Variants in CAST observed in about 807,000 individuals in gnomAD.
CAST encodes the protein MIR583 host.
A neutral mutation model predicts 119.6 loss-of-function variants in CAST; 76 were observed. The observed-to-expected ratio is 0.64, with a 90% CI of 0.53 to 0.77. CAST has a LOEUF of 0.77. CAST is among the 30% of genes least tolerant of loss of function. CAST has a pLI of 0.00. For synonymous variants in CAST, 319 were observed against 331.6 expected (o/e 0.96, Z 0.41); for missense variants, 953 against 946.5 (o/e 1.01, Z -0.09).
the CAST span, among the ~76,000 whole-genome samples, chr5:96,439,656 A>G: frequency 6.6e-6 from 1 of 152,176 alleles, no homozygotes; most frequent in Non-Finnish European, 1.5e-5. Flanking sequence ...TTAAAGGTGG[A>G]GGCTTCACAC....
At chr5:96,469,210 T>C in the CAST span, among the ~76,000 whole-genome samples, 1 of 152,090 alleles carries the variant, frequency 6.6e-6, no homozygotes, top group Non-Finnish European at 1.5e-5. Flanking sequence ...TTTAAATAGA[T>C]GGTAAAGTAC....
intron 3 of CAST, among the ~76,000 whole-genome samples, chr5:96,703,438 C>A (rs964566183): frequency 2.0e-5 from 3 of 152,282 alleles, no homozygotes; most frequent in East Asian, 1.9e-4. Flanking sequence ...AGTGTTGTAA[C>A]CTGTTTCGGT....
chr5:96,638,407 A>G (rs1416234953), intron 1 of CAST, among the ~76,000 whole-genome samples: 1 of 152,168 alleles, frequency 6.6e-6, no homozygotes, highest in Non-Finnish European at 1.5e-5. Flanking sequence ...CTCCATCTCA[A>G]AGAAAACAAA....
At chr5:96,588,959 A>G (rs1013010366) in intron 1 of CAST, among the ~76,000 whole-genome samples, 3 of 152,214 alleles carry the variant, frequency 2.0e-5, no homozygotes, top group Non-Finnish European at 2.9e-5. Flanking sequence ...TCAATTGACT[A>G]TTAATGTTTA....
chr5:96,420,388 T>C, the CAST span, among the ~76,000 whole-genome samples: 1 of 152,208 alleles, frequency 6.6e-6, no homozygotes, highest in East Asian at 1.9e-4. Context: ...GGGTCTGCTG[T>C]AAGCTCTCGA....
At chr5:96,756,132 C>G (rs188450667) in intron 22 of CAST, among the ~76,000 whole-genome samples, 62 of 152,272 alleles carry the variant, frequency 4.1e-4, no homozygotes, top group African/African-American at 1.4e-3. Context: ...CATTTAAATC[C>G]TATGTTGGTA....
At chr5:96,086,039 C>G in the CAST span, among the ~76,000 whole-genome samples, 4 of 152,236 alleles carry the variant, frequency 2.6e-5, no homozygotes, top group South Asian at 8.3e-4. Context: ...GTCTCTAATA[C>G]AAAACAGCAT....
chr5:96,212,850 A>G, the CAST span, among the ~76,000 whole-genome samples: 3 of 152,112 alleles, frequency 2.0e-5, no homozygotes, highest in African/African-American at 7.2e-5. Context: ...TCAGACAATG[A>G]TCCATGCCTG....
chr5:96,501,142 A>T, the CAST span, among the ~76,000 whole-genome samples: 1 of 152,246 alleles, frequency 6.6e-6, no homozygotes, highest in Non-Finnish European at 1.5e-5. Context: ...TAGATTAAAA[A>T]GTTATGGGTC....
intron 1 of CAST, among the ~76,000 whole-genome samples, chr5:96,639,066 C>G (rs888622620): frequency 3.3e-5 from 5 of 152,226 alleles, no homozygotes; most frequent in African/African-American, 1.2e-4. Flanking sequence ...TGGCCCTGTT[C>G]CTTGTCCTAC....
the CAST span, among the ~76,000 whole-genome samples, chr5:96,198,093 C>A: frequency 6.6e-6 from 1 of 152,150 alleles, no homozygotes; most frequent in African/African-American, 2.4e-5. Flanking sequence ...TTTTTCCCTT[C>A]TCTAGGCGAT....
chr5:96,129,551 T>C, the CAST span, among the ~76,000 whole-genome samples: 1 of 152,132 alleles, frequency 6.6e-6, no homozygotes, highest in Non-Finnish European at 1.5e-5. Flanking sequence ...GAATCACTGC[T>C]TTATTGAGAA....
At chr5:96,432,241 C>T in the CAST span, 1 of 907,332 alleles carries the variant, frequency 1.1e-6, no homozygotes. Flanking sequence ...ATAGATGGTC[C>T]CGTGTCTTTC....
chr5:96,661,311 A>T (rs1748418521), upstream of CAST, among the ~76,000 whole-genome samples: 1 of 147,756 alleles, frequency 6.8e-6, no homozygotes, highest in South Asian at 2.2e-4. Context: ...TGTAGTCCCA[A>T]GTACTTAGGA....
chr5:96,644,727 C>T (rs1747994839), intron 1 of CAST, among the ~76,000 whole-genome samples: 1 of 152,200 alleles, frequency 6.6e-6, no homozygotes, highest in Non-Finnish European at 1.5e-5. Flanking sequence ...GTAATCTCAG[C>T]ACTTTGGGAG....
chr5:96,556,916 C>A, intron 1 of CAST, among the ~76,000 whole-genome samples: 1 of 151,998 alleles, frequency 6.6e-6, no homozygotes, highest in East Asian at 1.9e-4. Flanking sequence ...GTCAGATTCA[C>A]CAAAGTTGAA....
the CAST span, among the ~76,000 whole-genome samples, chr5:96,043,880 G>A: frequency 6.6e-6 from 1 of 152,138 alleles, no homozygotes; most frequent in African/African-American, 2.4e-5. Context: ...AATGGGAGAA[G>A]AGAAGAATCA....
In CAST at chr5:96,732,950, C is replaced by T. The variant is rs550608150; in HGVS notation, c.630+2090C>T. On this transcript the variant is annotated intron_variant, in intron 9 of 31. Coordinates refer to ENST00000675179, the MANE Select transcript of CAST (RefSeq NM_001750.7). ...TAATATAGATTTATCTATACTTTTG[C>T]TTCTGTAAATGGGACAGATATCCTG... Among the ~76,000 whole-genome samples, 4 of 152,222 alleles carry T rather than the reference C, an allele frequency of 2.6e-5. No individual in the cohort carries two copies. In the South Asian group the frequency reaches 8.3e-4, roughly 32 times the overall value.
chr5:96,028,237 G>T, the CAST span, among the ~76,000 whole-genome samples: 1 of 151,632 alleles, frequency 6.6e-6, no homozygotes, highest in African/African-American at 2.4e-5. Context: ...ACTGAAAAAG[G>T]GTGAAATAAA....
Sources: allele counts gnomAD v4.1 joint callset (sites outside exome capture counted in the v4.1 genomes callset), GRCh38; gene constraint gnomAD v4.1.1; transcripts MANE v1.5; gene names NCBI Gene and HGNC (gene_info 2026-07-23, HGNC 2026-07-21).